Variants in SCAF11 observed in about 807,000 individuals in gnomAD.
The protein encoded by SCAF11 is SR-related CTD associated factor 11.
Under a neutral mutation model 140.5 loss-of-function variants are expected in SCAF11, and 47 were observed. The ratio of observed to expected loss-of-function variants is 0.33; its 90% CI spans 0.26 to 0.43. SCAF11 has a LOEUF of 0.43. Ranked by LOEUF, SCAF11 falls within the 20% of genes least tolerant of loss-of-function variation. The probability of loss-of-function intolerance (pLI) is 1.00; values close to 1 mark genes in which losing one functional copy is unlikely to be tolerated. For synonymous variants in SCAF11, 557 were observed against 579.4 expected, an observed-to-expected ratio of 0.96 and a Z score of 0.55; for missense variants, 1,645 against 1,705.1, an observed-to-expected ratio of 0.96 and a Z score of 0.62.
intron 3 of SCAF11, among the ~76,000 whole-genome samples, chr12:45,952,184 G>A (rs1003813144): frequency 6.6e-6 from 1 of 152,070 alleles, no homozygotes; most frequent in Admixed American, 6.6e-5. Context: ...TGAAAGATAT[G>A]AAGAAAATGA....
intron 1 of SCAF11, among the ~76,000 whole-genome samples, chr12:45,979,998 T>G (rs551725231): frequency 6.6e-6 from 1 of 152,348 alleles, no homozygotes; most frequent in African/African-American, 2.4e-5. Flanking sequence ...CCTAGATTTT[T>G]GTGTAAGCGT....
rs989112418 is a variant in SCAF11 at position 45,926,868 on chromosome 12, A to G, written c.2833T>C (p.Cys945Arg). 1.2e-6 allele frequency: 2 copies of G among 1,613,982 alleles called. No individual in the cohort carries two copies. The change falls in exon 11 of 15, where the codon TGT (cysteine) becomes CGT (arginine). Residue 945 changes from cysteine (C) to arginine (R), a missense_variant. Cys to Arg is a radical substitution (Grantham distance 180). Coordinates refer to ENST00000369367, the MANE Select transcript of SCAF11 (RefSeq NM_004719.3). ...SRSHSRSPSR[C>R]RTKSKSSSFG... ...GATGAACTCTTACTTTTTGTTCTAC[A>G]TCTTGAGGGGGACCTAGAATGAGAT...
intron 3 of SCAF11, among the ~76,000 whole-genome samples, chr12:45,958,950 C>A (rs948593545): frequency 1.3e-5 from 2 of 152,138 alleles, no homozygotes; most frequent in African/African-American, 4.8e-5. Flanking sequence ...CAGTTTCTTA[C>A]AGACCAGTGT....
chr12:45,964,139 T>G lies in SCAF11; in HGVS notation c.29A>C (p.Asn10Thr), dbSNP rs764798265. The change falls in exon 2 of 15, where the codon AAT becomes ACT. Residue 10 changes from asparagine (N) to threonine (T), a missense_variant. By Grantham distance (65) the Asn-to-Thr change is moderately conservative. This residue lies in a region of SCAF11 where 1,582 missense variants were observed against 1,609.2 expected (regional missense o/e 0.98). Coordinates refer to ENST00000369367, the MANE Select transcript of SCAF11 (RefSeq NM_004719.3). ...GTCTTCATACTTCTTATCTCCCATATTTAGGGTACATACAGTTTTCTTCTT... is the reference window on the plus strand; with the variant it reads ...GTCTTCATACTTCTTATCTCCCATAGTTAGGGTACATACAGTTTTCTTCTT... The part of the protein sequence containing the change: MKKKTVCTL[N>T]MGDKKYEDME... 1 of 1,539,646 alleles carries G rather than the reference T, an allele frequency of 6.5e-7. No homozygotes were observed. Among genetic ancestry groups the G allele is most frequent in the Non-Finnish European group, 8.9e-7 (1 of 1,118,450 alleles).
At chr12:45,970,167 T>G (rs1946041375) in intron 1 of SCAF11, among the ~76,000 whole-genome samples, 1 of 152,182 alleles carries the variant, frequency 6.6e-6, no homozygotes, top group South Asian at 2.1e-4. Context: ...GTGCTGGGAT[T>G]ACAGGCATGA....
At chr12:45,980,051 G>A (rs1469794473) in intron 1 of SCAF11, among the ~76,000 whole-genome samples, 1 of 152,094 alleles carries the variant, frequency 6.6e-6, no homozygotes, top group African/African-American at 2.4e-5. Flanking sequence ...GGTCACGAAT[G>A]ATCTCATTTA....
In SCAF11 at chr12:45,967,446, C is replaced by T. The variant is rs182445517; in HGVS notation, c.-21-3258G>A. On this transcript the variant is annotated intron_variant, in intron 1 of 14. Transcript: ENST00000369367. ...AGCGTCTGAGATCAGGAGTTCGAGACCAGCCTGGCCAACATGGCGAAACCT... is the reference window on the plus strand; with the variant it reads ...AGCGTCTGAGATCAGGAGTTCGAGATCAGCCTGGCCAACATGGCGAAACCT... Among the ~76,000 whole-genome samples, 197 of 152,302 alleles carry T rather than the reference C, an allele frequency of 1.3e-3. 1 individual carries two copies. The highest frequency in any genetic ancestry group is 3.4e-3 in the Middle Eastern group (1 of 294).
chr12:45,961,831 A>T lies in SCAF11; in HGVS notation c.88T>A (p.Ser30Thr), dbSNP rs781497795. 6.2e-7 allele frequency: 1 copy of T among 1,606,754 alleles called. No homozygotes were observed. Among genetic ancestry groups the T allele is most frequent in the Non-Finnish European group, 8.5e-7 (1 of 1,177,154 alleles). Reference protein sequence around the residue: ...EGEENGDNTISTGLLYSEADR... With the variant: ...EGEENGDNTITTGLLYSEADR... ...GCCTCACTGTACAACAGACCAGTGGAAATAGTATTATCTCCGTTTTCTTCA... is the reference window on the plus strand; with the variant it reads ...GCCTCACTGTACAACAGACCAGTGGTAATAGTATTATCTCCGTTTTCTTCA... Residue 30 changes from serine to threonine, a missense_variant, in exon 3 of 15, where the codon TCC (serine) becomes ACC (threonine). Coordinates refer to ENST00000369367, the MANE Select transcript of SCAF11 (RefSeq NM_004719.3).
intron 5 of SCAF11, 101 bp from the exon 6 acceptor site, chr12:45,945,414 G>T: frequency 1.4e-6 from 1 of 701,392 alleles, no homozygotes; most frequent in Non-Finnish European, 2.4e-6. Flanking sequence ...AATCTATCAT[G>T]CACTGATTTT....
Position 45,934,302 on chromosome 12 carries a change from T to C in SCAF11, c.523-17A>G, listed in dbSNP as rs1227482985. The C allele has an allele frequency of 6.5e-7, 1 of 1,544,468 alleles. No individual in the cohort carries two copies. The highest frequency in any genetic ancestry group is 1.7e-5 in the Admixed American group (1 of 57,264). ...TCTCTGAGGCTAGAAAAGTAAAAAG[T>C]AGTTAGTGAAACAGCAAATAAATAA... On this transcript the variant is annotated splice_polypyrimidine_tract_variant and intron_variant, in intron 7 of 14. Transcript: ENST00000369367.
chr12:45,928,959 G>T, intron 10 of SCAF11, 100 bp from the exon 11 acceptor site: 1 of 602,302 alleles, frequency 1.7e-6, no homozygotes, highest in Non-Finnish European at 2.6e-6. Context: ...GCAACAGAGT[G>T]AAACTAAATA....
chr12:45,981,479 C>A (rs1441951842), intron 1 of SCAF11, among the ~76,000 whole-genome samples: 25 of 152,170 alleles, frequency 1.6e-4, no homozygotes, highest in Non-Finnish European at 5.9e-5. Flanking sequence ...ATTCCTGTCT[C>A]CCAAAAAGAT....
chr12:45,931,545 T>C lies in SCAF11; in HGVS notation c.802A>G (p.Thr268Ala). 6.6e-7 allele frequency: 1 copy of C among 1,513,332 alleles called. No homozygotes were observed. Among genetic ancestry groups the C allele is most frequent in the East Asian group, 2.6e-5 (1 of 39,104 alleles). The allele number at this position is 1,513,332 out of a possible 1,614,324, so 93.7% of individuals were successfully genotyped here. A position where few individuals can be genotyped will look rare whatever the true frequency, so the allele number is the denominator to read the frequency against. ...LPLISSVLPR[T>A]IFPTSTISFE... The stretch of plus-strand genomic sequence containing the variant: ...GATATGGTACTTGTTGGAAAAATAG[T>C]TCTTGGCAACACAGAAGAAATGAGA... Residue 268 changes from threonine to alanine, a missense_variant, in exon 10 of 15, where the codon ACT becomes GCT. Physicochemically the swap from Thr to Ala is moderately conservative, Grantham distance 58. Around this residue, in one of 2 missense-constraint regions of SCAF11, gnomAD observed 1,582 missense variants for 1,609.2 expected, o/e 0.98. Coordinates refer to ENST00000369367, the MANE Select transcript of SCAF11 (RefSeq NM_004719.3).
rs1944900269 is a variant in SCAF11, at chr12:45,927,264, GCTT to G, written c.2434_2436del (p.Lys812del). ...CTTCTGGGAGATGGAGACTGGGGCC[GCTT>G]CTTTTCTTGTGGAGTGTCTTTGTTG... On this transcript the variant is annotated inframe_deletion, in exon 11 of 15. Coordinates refer to ENST00000369367, the MANE Select transcript of SCAF11 (RefSeq NM_004719.3). 1 of 1,613,702 alleles carries G rather than the reference GCTT, an allele frequency of 6.2e-7. No individual in the cohort carries two copies. The highest frequency in any genetic ancestry group is 1.1e-5 in the South Asian group (1 of 91,054).
intron 1 of SCAF11, among the ~76,000 whole-genome samples, chr12:45,982,120 T>C (rs572012040): frequency 3.3e-5 from 5 of 152,316 alleles, no homozygotes; most frequent in South Asian, 2.1e-4. Context: ...TCTAGTTCTG[T>C]GGCAGTTTTG....
intron 1 of SCAF11, among the ~76,000 whole-genome samples, chr12:45,982,494 G>C (rs1013102287): frequency 6.6e-6 from 1 of 152,126 alleles, no homozygotes; most frequent in Non-Finnish European, 1.5e-5. Flanking sequence ...ATCACTTGAG[G>C]TCAGGAGTTC....
intron 6 of SCAF11, among the ~76,000 whole-genome samples, chr12:45,944,773 T>C (rs1393395783): frequency 1.0e-5 from 1 of 96,506 alleles, no homozygotes; most frequent in Admixed American, 1.0e-4. Flanking sequence ...TGTAGATAAA[T>C]ATGTTAGAGG....
At chr12:45,968,769 C>T (rs1946006428) in intron 1 of SCAF11, among the ~76,000 whole-genome samples, 3 of 152,018 alleles carry the variant, frequency 2.0e-5, no homozygotes, top group Admixed American at 1.3e-4. Flanking sequence ...GGTGAAACCC[C>T]GTCGCTACTA....
At chr12:45,964,064 G>T in intron 2 of SCAF11, 43 bp downstream of exon 2, 1 of 1,024,494 alleles carries the variant, frequency 9.8e-7, no homozygotes, top group Non-Finnish European at 1.5e-6. Flanking sequence ...GGAAACAACT[G>T]TTTTGCTTTC....
Sources: gnomAD v4.1 joint callset for allele counts (sites outside exome capture counted in the v4.1 genomes callset) on GRCh38, gnomAD v4.1.1 for gene constraint, gnomAD v4.1.1 regional missense constraint, MANE v1.5 for transcripts, NCBI Gene and HGNC (gene_info 2026-07-23, HGNC 2026-07-21) for gene names.